The following UBXN10 variants were observed in gnomAD, a reference collection of about 807,000 sequenced individuals.
UBXN10 encodes UBX domain-containing protein 10.
UBXN10 carries 6 observed loss-of-function variants against 6.9 expected under a neutral mutation model. The observed-to-expected ratio is 0.87, with a 90% CI of 0.48 to 1.72. UBXN10 has a LOEUF of 1.72. Ranked by LOEUF, UBXN10 falls within the 40% of genes most tolerant of loss-of-function variation. The pLI, the probability that UBXN10 is intolerant of heterozygous loss-of-function variation, is 0.01. For missense variants in UBXN10, 317 were observed against 348.4 expected, an observed-to-expected ratio of 0.91 and a Z score of 0.72; for synonymous variants, 131 against 135.2, an observed-to-expected ratio of 0.97 and a Z score of 0.21.
At position 20,191,679 on chromosome 1, in the gene UBXN10, T is replaced by C; in HGVS notation, c.*275T>C. The C allele has an allele frequency of 2.5e-6, 1 of 403,422 alleles. No individual in the cohort carries two copies. Among genetic ancestry groups the C allele is most frequent in the Non-Finnish European group, 4.6e-6 (1 of 218,296 alleles). The allele number at this position is 403,422 out of a possible 1,614,324, so 25.0% of individuals were successfully genotyped here. On this transcript the variant is annotated 3_prime_UTR_variant, in exon 2 of 2. Transcript: ENST00000375099. The surrounding 1 kb of genome is among the most constrained non-coding windows in gnomAD (Gnocchi z 4.5). ...TTCCTGAAACAGCAGTGATCATGACTTCTCCTTTCCAGAGTTTTGGGTCCT... is the reference window on the plus strand; with the variant it reads ...TTCCTGAAACAGCAGTGATCATGACCTCTCCTTTCCAGAGTTTTGGGTCCT...
At chr1:20,190,358 G>A (rs113661407) in intron 1 of UBXN10, among the ~76,000 whole-genome samples, 189 bp from the exon 2 acceptor site, 12 of 151,984 alleles carry the variant, frequency 7.9e-5, no homozygotes, top group South Asian at 4.2e-4. Flanking sequence ...CAAGGACTTC[G>A]GTTTGCTGAT....
intron 1 of UBXN10, among the ~76,000 whole-genome samples, chr1:20,186,647 G>T (rs1367107793): frequency 6.6e-6 from 1 of 152,198 alleles, no homozygotes; most frequent in Non-Finnish European, 1.5e-5. Flanking sequence ...CTGGAACTTG[G>T]ACTTAATTGA....
rs928599435 is a variant in UBXN10 at position 20,186,148 on chromosome 1, G to C, written c.-21G>C. 2 of 152,710 alleles carry C rather than the reference G, an allele frequency of 1.3e-5. No homozygotes were observed. Among genetic ancestry groups the C allele is most frequent in the Non-Finnish European group, 2.9e-5 (2 of 68,498 alleles). The allele number at this position is 152,710 out of a possible 1,614,324, so 9.5% of individuals were successfully genotyped here. The stretch of plus-strand genomic sequence containing the variant: ...GCGCAGGCGGCGGATGGAGCGGAAC[G>C]GCTAGGTGAGAGCGGCTGCCCGATC... On this transcript the variant is annotated 5_prime_UTR_variant, in exon 1 of 2. Coordinates refer to ENST00000375099, the MANE Select transcript of UBXN10 (RefSeq NM_152376.5).
In UBXN10 at chr1:20,190,979, C is replaced by T; in HGVS notation, c.418C>T (p.Leu140=). 1.2e-6 allele frequency: 2 copies of T among 1,614,158 alleles called. No homozygotes were observed. The highest frequency in any genetic ancestry group is 1.1e-5 in the South Asian group (1 of 91,072). Residue 140 remains leucine (L), a synonymous_variant, in exon 2 of 2, where the codon CTG becomes TTG. Coordinates refer to ENST00000375099, the MANE Select transcript of UBXN10 (RefSeq NM_152376.5). ...VETVAKKASS[L]QLSSIRALYQ... is the part of the protein sequence containing the mutation. ...AACCGTTGCCAAAAAGGCCAGCTCA[C>T]TGCAACTGAGCAGTATCCGGGCTCT...
chr1:20,191,457 G>A lies in UBXN10; in HGVS notation c.*53G>A. 6.4e-7 allele frequency: 1 copy of A among 1,558,108 alleles called. No individual in the cohort carries two copies. On this transcript the variant is annotated 3_prime_UTR_variant, in exon 2 of 2. Coordinates refer to ENST00000375099, the MANE Select transcript of UBXN10 (RefSeq NM_152376.5). The surrounding 1 kb of genome is among the most constrained non-coding windows in gnomAD (Gnocchi z 4.5). The stretch of plus-strand genomic sequence containing the variant: ...GGTCTCTGAGCAAAGGAGCATGCTT[G>A]GGCGTTGTGGCCTCTTAGGCAGCCT...
At chr1:20,188,155 G>A (rs1197964335) in intron 1 of UBXN10, among the ~76,000 whole-genome samples, 1 of 152,216 alleles carries the variant, frequency 6.6e-6, no homozygotes, top group Non-Finnish European at 1.5e-5. Flanking sequence ...AGACTAAAGG[G>A]GGAAAAACAC....
rs1189897670 is a variant in UBXN10 at position 20,192,471 on chromosome 1, A to T, written c.*1067A>T. 7.2e-5 allele frequency: 12 copies of T among 167,070 alleles called. No individual in the cohort carries two copies. Among genetic ancestry groups the T allele is most frequent in the Non-Finnish European group, 2.9e-5 (2 of 68,136 alleles). The allele number at this position is 167,070 out of a possible 1,614,324, so 10.3% of individuals were successfully genotyped here. ...GTGCCCGAGCATCTGGTTGACCGGC[A>T]TGAAGTACATCAGCCTGTCTTAGCC... is the stretch of plus-strand genomic sequence containing the variant. On this transcript the variant is annotated 3_prime_UTR_variant, in exon 2 of 2. Coordinates refer to ENST00000375099, the MANE Select transcript of UBXN10 (RefSeq NM_152376.5).
At position 20,190,578 on chromosome 1, in the gene UBXN10, C is replaced by T; in HGVS notation, c.17C>T (p.Pro6Leu). Residue 6 changes from proline (P) to leucine (L), a missense_variant, in exon 2 of 2, where the codon CCT (proline) becomes CTT (leucine). Physicochemically the swap from Pro to Leu is moderately conservative, Grantham distance 98. Coordinates refer to ENST00000375099, the MANE Select transcript of UBXN10 (RefSeq NM_152376.5). MATEAPVNIAPPECST... is the reference protein window; with the variant it reads MATEALVNIAPPECST... The stretch of plus-strand genomic sequence containing the variant: ...TGAGAAGCAATGGCCACAGAAGCCC[C>T]TGTGAATATAGCACCACCTGAGTGT... 1 of 1,613,200 alleles carries T rather than the reference C, an allele frequency of 6.2e-7. No homozygotes were observed. Among genetic ancestry groups the T allele is most frequent in the Non-Finnish European group, 8.5e-7 (1 of 1,179,292 alleles).
chr1:20,183,979 ACAT>A (rs1394080288), upstream of UBXN10, among the ~76,000 whole-genome samples: 1 of 152,200 alleles, frequency 6.6e-6, no homozygotes, highest in Non-Finnish European at 1.5e-5. Flanking sequence ...TCCTTTGAAG[ACAT>A]CCTCTTTATA....
At chr1:20,184,930 G>T (rs574713712), upstream of UBXN10, among the ~76,000 whole-genome samples, 375 of 152,172 alleles carry the variant, frequency 2.5e-3, 1 homozygote, top group Middle Eastern at 6.8e-3. Context: ...GAGGCGGGAG[G>T]ATCACTTGAG....
chr1:20,191,355 AC>A lies in UBXN10; in HGVS notation c.795del (p.His265GlnfsTer69). 1 of 1,613,996 alleles carries A rather than the reference AC, an allele frequency of 6.2e-7. No homozygotes were observed. Among genetic ancestry groups the A allele is most frequent in the Non-Finnish European group, 8.5e-7 (1 of 1,179,902 alleles). ...TKSLQECRIP[H>X]KSVLGISLED... ...TCTCTGCAAGAGTGCAGAATCCCCC[AC>A]AAGTCTGTGCTGGGCATCTCACTGG... On this transcript the variant is annotated frameshift_variant, in exon 2 of 2. Coordinates refer to ENST00000375099, the MANE Select transcript of UBXN10 (RefSeq NM_152376.5). LOFTEE classifies it high-confidence loss of function. This position sits in a 1 kb window ranked among gnomAD's most constrained non-coding sequence, Gnocchi z 4.5.
rs1338205132 is a variant in UBXN10, at chr1:20,191,704, T to A, written c.*300T>A. 5.9e-6 allele frequency: 2 copies of A among 341,470 alleles called. No individual in the cohort carries two copies. Among genetic ancestry groups the A allele is most frequent in the Admixed American group, 4.5e-5 (1 of 22,176 alleles). The allele number at this position is 341,470 out of a possible 1,614,324, so 21.2% of individuals were successfully genotyped here. ...TTCTCCTTTCCAGAGTTTTGGGTCC[T>A]TCTGAATTAATGGTCCTTTTCGAAC... On this transcript the variant is annotated 3_prime_UTR_variant, in exon 2 of 2. Transcript: ENST00000375099. This position sits in a 1 kb window ranked among gnomAD's most constrained non-coding sequence, Gnocchi z 4.5.
At chr1:20,189,636 A>C (rs1363274881) in intron 1 of UBXN10, among the ~76,000 whole-genome samples, 1 of 152,180 alleles carries the variant, frequency 6.6e-6, no homozygotes, top group East Asian at 1.9e-4. Flanking sequence ...GCTGAGGCAC[A>C]AGAATTGCTT....
chr1:20,185,869 G>A (rs1429386094), upstream of UBXN10, among the ~76,000 whole-genome samples: 5 of 152,296 alleles, frequency 3.3e-5, no homozygotes, highest in South Asian at 6.2e-4. Flanking sequence ...AAACAGAGGC[G>A]GTGACGCTAG....
rs1019522102 is a variant in UBXN10, at chr1:20,191,031, AG to A, written c.471del (p.Thr158GlnfsTer176). On this transcript the variant is annotated frameshift_variant, in exon 2 of 2. Coordinates refer to ENST00000375099, the MANE Select transcript of UBXN10 (RefSeq NM_152376.5). LOFTEE classifies it low-confidence loss of function (END_TRUNC). The surrounding 1 kb of genome is among the most constrained non-coding windows in gnomAD (Gnocchi z 4.5). Reference sequence around the variant, plus strand: ...TACCAAGACGAGACGGGCACCATGAAGACAAGTGAAGAAGATTCCAGAGCTC... The same window carrying A: ...TACCAAGACGAGACGGGCACCATGAAACAAGTGAAGAAGATTCCAGAGCTC... ...ALYQDETGTM[K>X]TSEEDSRARA... The A allele has an allele frequency of 1.2e-6, 2 of 1,614,032 alleles. No individual in the cohort carries two copies. Among genetic ancestry groups the A allele is most frequent in the Admixed American group, 1.7e-5 (1 of 60,004 alleles).
upstream of UBXN10, among the ~76,000 whole-genome samples, chr1:20,183,757 G>C (rs1438169176): frequency 6.6e-6 from 1 of 152,208 alleles, no homozygotes; most frequent in East Asian, 1.9e-4. Flanking sequence ...GCAGGGTGGG[G>C]CAGGCATGGG....
Position 20,190,617 on chromosome 1 carries a change from G to A in UBXN10, c.56G>A (p.Ser19Asn). 1 of 1,614,180 alleles carries A rather than the reference G, an allele frequency of 6.2e-7. No homozygotes were observed. The highest frequency in any genetic ancestry group is 8.5e-7 in the Non-Finnish European group (1 of 1,180,048). ...CCACCTGAGTGTAGCACTGTTGTCA[G>A]CACAGCAGTTGACAGCCTCATTTGG... ...IAPPECSTVV[S>N]TAVDSLIWQP... Residue 19 changes from serine to asparagine, a missense_variant, in exon 2 of 2, where the codon AGC becomes AAC. Coordinates refer to ENST00000375099, the MANE Select transcript of UBXN10 (RefSeq NM_152376.5).
Position 20,193,187 on chromosome 1 carries a change from G to A in UBXN10, c.*1783G>A, listed in dbSNP as rs1463189096. On this transcript the variant is annotated 3_prime_UTR_variant, in exon 2 of 2. Transcript: ENST00000375099. ...TCTATGTCTGATCTAGGAGGCTGGG[G>A]GAAGAGCCTCCCATAAAATCACACC... is the stretch of plus-strand genomic sequence containing the variant. The A allele has an allele frequency of 6.0e-6, 1 of 167,020 alleles. No homozygotes were observed. The highest frequency in any genetic ancestry group is 1.5e-5 in the Non-Finnish European group (1 of 68,106). The allele number at this position is 167,020 out of a possible 1,614,324, so 10.3% of individuals were successfully genotyped here. A position where few individuals can be genotyped will look rare whatever the true frequency, so the allele number is the denominator to read the frequency against.
At position 20,191,102 on chromosome 1, in the gene UBXN10, CAG is replaced by C; in HGVS notation, c.542_543del (p.Gln181ArgfsTer23). ...GAAATTCATCGTCCGAACCAAGAAA[CAG>C]GGCTCTTCCAGGGCTGGAAATCTGG... ...ERKFIVRTKK[Q>X]GSSRAGNLEE... On this transcript the variant is annotated frameshift_variant, in exon 2 of 2. Coordinates refer to ENST00000375099, the MANE Select transcript of UBXN10 (RefSeq NM_152376.5). LOFTEE classifies it high-confidence loss of function. This position sits in a 1 kb window ranked among gnomAD's most constrained non-coding sequence, Gnocchi z 4.5. The C allele has an allele frequency of 1.2e-6, 2 of 1,614,156 alleles. No individual in the cohort carries two copies. Among genetic ancestry groups the C allele is most frequent in the Non-Finnish European group, 1.7e-6 (2 of 1,180,024 alleles).
Sources: gnomAD v4.1 joint callset for allele counts (sites outside exome capture counted in the v4.1 genomes callset) on GRCh38, gnomAD v4.1.1 for gene constraint, Gnocchi (gnomAD v3.1) non-coding constraint, MANE v1.5 for transcripts, NCBI Gene and HGNC (gene_info 2026-07-23, HGNC 2026-07-21) for gene names.